HIF3A: variants seen among roughly 807,000 people sequenced by gnomAD.
The protein encoded by HIF3A is hypoxia-inducible factor 3-alpha.
A neutral mutation model predicts 67.2 loss-of-function variants in HIF3A; 41 were observed. That is an observed-to-expected ratio of 0.61 (90% CI 0.48 to 0.79). HIF3A has a LOEUF of 0.79. Ranked by LOEUF, HIF3A falls within the 30% of genes least tolerant of loss-of-function variation. The pLI is 0.00. For missense variants in HIF3A, 855 were observed against 898.0 expected (o/e 0.95, Z 0.61); for synonymous variants, 356 against 374.8 (o/e 0.95, Z 0.58).
At chr19:46,309,767 T>C (rs1969265298) in intron 6 of HIF3A, among the ~76,000 whole-genome samples, 4 of 152,044 alleles carry the variant, frequency 2.6e-5, no homozygotes. Flanking sequence ...GTTAATATGG[T>C]GCCCAGCACA....
At chr19:46,330,250 G>T (rs995854080) in intron 12 of HIF3A, among the ~76,000 whole-genome samples, 2 of 152,176 alleles carry the variant, frequency 1.3e-5, no homozygotes, top group African/African-American at 4.8e-5. Flanking sequence ...AATTATTAAT[G>T]AATATAGTTG....
In HIF3A at chr19:46,334,378, C is replaced by T. The variant is rs970687176; in HGVS notation, c.1831-527C>T. Among the ~76,000 whole-genome samples the T allele has an allele frequency of 3.3e-5, 5 of 152,166 alleles. 1 individual carries two copies. The East Asian group carries it at 5.8e-4, about 18-fold the overall frequency. The stretch of plus-strand genomic sequence containing the variant: ...AAGTGCTGGGATTACAGGCGTGAGC[C>T]GCCATGCCCAGCTTATTTCATTTTT... On this transcript the variant is annotated intron_variant, in intron 13 of 14. Transcript: ENST00000377670.
chr19:46,302,668 G>A (rs928336217), intron 1 of HIF3A, among the ~76,000 whole-genome samples: 1 of 152,180 alleles, frequency 6.6e-6, no homozygotes, highest in Non-Finnish European at 1.5e-5. Context: ...GAGTTCAGGA[G>A]TTCAAGACCA....
chr19:46,324,985 T>TG (rs1555785451), intron 10 of HIF3A, among the ~76,000 whole-genome samples: 2 of 127,924 alleles, frequency 1.6e-5, no homozygotes, highest in Non-Finnish European at 3.3e-5. Flanking sequence ...CACACATATA[T>TG]TGTGTGTGTG....
intron 8 of HIF3A, among the ~76,000 whole-genome samples, chr19:46,319,669 C>T (rs1970205586): frequency 6.6e-6 from 1 of 152,068 alleles, no homozygotes; most frequent in African/African-American, 2.4e-5. Context: ...TTCATCAATA[C>T]CTTTCTAAGA....
intron 1 of HIF3A, chr19:46,298,643 G>C: frequency 3.4e-6 from 2 of 596,762 alleles, no homozygotes; most frequent in South Asian, 1.9e-5. Context: ...AGAGTGCCCA[G>C]TGAGGTAGTA....
chr19:46,307,641 G>T (rs530329594), intron 3 of HIF3A, among the ~76,000 whole-genome samples: 68 of 151,952 alleles, frequency 4.5e-4, no homozygotes, highest in African/African-American at 1.6e-3. Context: ...CCAGCTACTC[G>T]GGAGGCTGAG....
At position 46,331,262 on chromosome 19, in the gene HIF3A, CCT is replaced by C; in HGVS notation, c.1823_1824del (p.Leu608GlnfsTer27). 6.2e-7 allele frequency: 1 copy of C among 1,613,260 alleles called. No homozygotes were observed. Among genetic ancestry groups the C allele is most frequent in the Non-Finnish European group, 8.5e-7 (1 of 1,179,316 alleles). On this transcript the variant is annotated frameshift_variant, in exon 13 of 15. Coordinates refer to ENST00000377670, the MANE Select transcript of HIF3A (RefSeq NM_152795.4). LOFTEE classifies it high-confidence loss of function. Reference protein sequence around the residue: ...SPEHENFLLFPLSLSFLLTGG... With the variant: ...SPEHENFLLFXLSLSFLLTGG... ...AGAACACGAAAACTTTCTGCTCTTT[CCT>C]CTCAGCCTGGTGTGTTGGGGGATTA...
intron 6 of HIF3A, chr19:46,310,480 C>G: frequency 2.9e-6 from 1 of 349,834 alleles, no homozygotes; most frequent in Admixed American, 3.4e-5. Context: ...CTCTCCCCCT[C>G]TCTTCCTTCT....
Position 46,341,065 on chromosome 19 carries a change from G to T in HIF3A, c.*1443G>T, listed in dbSNP as rs1185517886. 1 of 151,888 alleles carries T rather than the reference G, an allele frequency of 6.6e-6. No homozygotes were observed. 9.4% of individuals were successfully genotyped at this position (151,888 alleles called of 1,614,324 possible). On this transcript the variant is annotated 3_prime_UTR_variant, in exon 15 of 15. Transcript: ENST00000377670. ...TGTTTTAGATCTCACACCCTCCAACGCCCTCCGGTTCCAGATCTTATATTC... is the reference window on the plus strand; with the variant it reads ...TGTTTTAGATCTCACACCCTCCAACTCCCTCCGGTTCCAGATCTTATATTC...
At chr19:46,299,938 G>C (rs1968184979) in intron 1 of HIF3A, among the ~76,000 whole-genome samples, 2 of 152,000 alleles carry the variant, frequency 1.3e-5, no homozygotes, top group African/African-American at 4.8e-5. Context: ...TCACCTCTTT[G>C]GGCCTGCTTC....
intron 4 of HIF3A, 105 bp from the exon 5 acceptor site, chr19:46,308,558 A>G (rs731293): frequency 0.19 from 131,941 of 701,840 alleles, 14,466 homozygotes; most frequent in East Asian, 0.44. Flanking sequence ...CCAGGTCCCA[A>G]TTGTTGGGAT....
chr19:46,339,161 C>CCCTT (rs1343958302), intron 14 of HIF3A, among the ~76,000 whole-genome samples: 1 of 151,948 alleles, frequency 6.6e-6, no homozygotes, highest in Non-Finnish European at 1.5e-5. Flanking sequence ...TCACAGACAC[C>CCCTT]CCTTCCCCTT....
At chr19:46,322,003 G>A (rs1329039873) in intron 10 of HIF3A, 37 bp downstream of exon 10, 2 of 1,603,084 alleles carry the variant, frequency 1.2e-6, no homozygotes, top group East Asian at 2.2e-5. Context: ...TCAGCATCCA[G>A]TGCTCAGTCC....
At chr19:46,333,734 T>C (rs1971401532) in intron 13 of HIF3A, among the ~76,000 whole-genome samples, 1 of 151,726 alleles carries the variant, frequency 6.6e-6, no homozygotes, top group South Asian at 2.1e-4. Context: ...TATATTTTTT[T>C]CCTTCCTTTC....
intron 5 of HIF3A, 60 bp from the exon 6 acceptor site, chr19:46,309,091 C>T (rs993605191): frequency 1.4e-5 from 21 of 1,453,420 alleles, no homozygotes; most frequent in Middle Eastern, 3.5e-4. Context: ...ATCTTCCAAC[C>T]CCATGGGTGG....
intron 8 of HIF3A, among the ~76,000 whole-genome samples, chr19:46,318,548 CAAAA>C (rs908312286): frequency 3.7e-5 from 2 of 54,084 alleles, no homozygotes; most frequent in African/African-American, 7.3e-5. Context: ...GATCCTGTCT[CAAAA>C]AAAAAAAAAA....
Position 46,320,329 on chromosome 19 carries a change from C to T in HIF3A, c.1026-114C>T, listed in dbSNP as rs530652364. On this transcript the variant is annotated intron_variant, in intron 8 of 14. Coordinates refer to ENST00000377670, the MANE Select transcript of HIF3A (RefSeq NM_152795.4). ...GCAATTATTTTCTGCAAAATGCCCT[C>T]CAAGCCCCTGGGCGCCATTGCCTTC... The T allele has an allele frequency of 6.9e-4, 519 of 755,216 alleles. 9 individuals are homozygous for T. In the South Asian group the frequency reaches 8.6e-3, roughly 13 times the overall value. The allele number at this position is 755,216 out of a possible 1,614,324, so 46.8% of individuals were successfully genotyped here.
Position 46,297,414 on chromosome 19 carries a change from T to C in HIF3A, c.26+312T>C, listed in dbSNP as rs1967949777. Among the ~76,000 whole-genome samples, 1 of 152,072 alleles carries C rather than the reference T, an allele frequency of 6.6e-6. No individual in the cohort carries two copies. The highest frequency in any genetic ancestry group is 1.9e-4 in the East Asian group (1 of 5,158). On this transcript the variant is annotated intron_variant, in intron 1 of 14. Coordinates refer to ENST00000377670, the MANE Select transcript of HIF3A (RefSeq NM_152795.4). This position sits in a 1 kb window ranked among gnomAD's most constrained non-coding sequence, Gnocchi z 4.5. Reference sequence around the variant, plus strand: ...GGGATTCCTGATAAATTAGGGGTGATTGCATTTGAGCAGTCCCCAGGCTTC... The same window carrying C: ...GGGATTCCTGATAAATTAGGGGTGACTGCATTTGAGCAGTCCCCAGGCTTC...
Sources: gnomAD v4.1 joint callset for allele counts (sites outside exome capture counted in the v4.1 genomes callset) on GRCh38, gnomAD v4.1.1 for gene constraint, Gnocchi (gnomAD v3.1) non-coding constraint, MANE v1.5 for transcripts, NCBI Gene and HGNC (gene_info 2026-07-23, HGNC 2026-07-21) for gene names.